Variants in MYLK4 observed in about 807,000 individuals in gnomAD.
The protein encoded by MYLK4 is caMLCK like.
Under a neutral mutation model 48.1 loss-of-function variants are expected in MYLK4, and 46 were observed. That is an observed-to-expected ratio of 0.96 (90% CI 0.75 to 1.22). MYLK4 has a LOEUF of 1.22. MYLK4 is among the 50% of genes most tolerant of loss of function. The pLI, the probability that MYLK4 is intolerant of heterozygous loss-of-function variation, is 0.00. For missense variants in MYLK4, 451 were observed against 486.1 expected, an observed-to-expected ratio of 0.93 and a Z score of 0.68; for synonymous variants, 170 against 180.8, an observed-to-expected ratio of 0.94 and a Z score of 0.48.
chr6:2,743,228 T>A (rs1763958954), intron 2 of MYLK4, among the ~76,000 whole-genome samples: 2 of 152,174 alleles, frequency 1.3e-5, no homozygotes, highest in South Asian at 4.1e-4. Flanking sequence ...ATTCAGACTG[T>A]TTTCCATAGT....
At chr6:2,725,363 G>A (rs949653558) in intron 2 of MYLK4, among the ~76,000 whole-genome samples, 8 of 151,974 alleles carry the variant, frequency 5.3e-5, no homozygotes, top group Non-Finnish European at 8.8e-5. Flanking sequence ...CTACTTGGGA[G>A]GCCAAGGTAG....
At chr6:2,729,603 G>A (rs12664199) in intron 2 of MYLK4, among the ~76,000 whole-genome samples, 5,523 of 152,280 alleles carry the variant, frequency 0.036, 255 homozygotes, top group East Asian at 0.27. Context: ...CCCTCAAGGA[G>A]TGTTTCTCTT....
chr6:2,763,916 G>C, the MYLK4 span, among the ~76,000 whole-genome samples: 1 of 152,124 alleles, frequency 6.6e-6, no homozygotes, highest in Admixed American at 6.5e-5. Flanking sequence ...GGAGACCGAG[G>C]TGGGCGGATC....
Position 2,683,161 on chromosome 6 carries a change from C to T in MYLK4, c.547G>A (p.Val183Met), listed in dbSNP as rs745707113. Residue 183 changes from valine (V) to methionine (M), a missense_variant and splice_region_variant, in exon 7 of 13, where the codon GTG (valine) becomes ATG (methionine). Coordinates refer to ENST00000274643, the MANE Select transcript of MYLK4 (RefSeq NM_001012418.5). Reference protein sequence around the residue: ...KNDIVLVMEYVDGGELFDRII... With the variant: ...KNDIVLVMEYMDGGELFDRII... ...CGGTCAAACAGCTCCCCACCATCCA[C>T]ACTGCAGAGGGAAGAGGACTGAAAC... 3.1e-6 allele frequency: 5 copies of T among 1,614,170 alleles called. No homozygotes were observed. The highest frequency in any genetic ancestry group is 3.4e-6 in the Non-Finnish European group (4 of 1,180,026).
At chr6:2,717,411 AC>A (rs1284545255) in intron 2 of MYLK4, among the ~76,000 whole-genome samples, 1 of 152,206 alleles carries the variant, frequency 6.6e-6, no homozygotes, top group African/African-American at 2.4e-5. Flanking sequence ...CAGGCCTCAC[AC>A]CTCTCGAAAT....
chr6:2,714,715 C>T (rs535458555), intron 2 of MYLK4, among the ~76,000 whole-genome samples: 9 of 152,238 alleles, frequency 5.9e-5, no homozygotes, highest in East Asian at 1.9e-4. Context: ...ACCAAGTGTC[C>T]GCTGACAGCT....
chr6:2,680,195 G>A (rs780224955), intron 8 of MYLK4, 26 bp downstream of exon 8: 115 of 1,612,964 alleles, frequency 7.1e-5, no homozygotes, highest in Non-Finnish European at 9.3e-5. Flanking sequence ...AGCTCCATTC[G>A]TACACCTATG....
chr6:2,694,496 G>A (rs1274789912), intron 2 of MYLK4, among the ~76,000 whole-genome samples: 1 of 41,596 alleles, frequency 2.4e-5, no homozygotes, highest in Non-Finnish European at 5.4e-5. Context: ...TGGTCATGGT[G>A]GTGGTGGTGG....
chr6:2,762,398 A>G, the MYLK4 span, among the ~76,000 whole-genome samples: 1 of 152,252 alleles, frequency 6.6e-6, no homozygotes, highest in Non-Finnish European at 1.5e-5. Flanking sequence ...GATTTTCCAC[A>G]GCATTATTTT....
chr6:2,753,848 G>A (rs773817149), upstream of MYLK4, among the ~76,000 whole-genome samples: 2 of 152,040 alleles, frequency 1.3e-5, no homozygotes, highest in Non-Finnish European at 2.9e-5. Context: ...CACTAGGAGA[G>A]CTGTAATAAT....
chr6:2,753,538 C>T (rs1375119877), upstream of MYLK4, among the ~76,000 whole-genome samples: 1 of 152,064 alleles, frequency 6.6e-6, no homozygotes, highest in Non-Finnish European at 1.5e-5. Flanking sequence ...AAATTCAAAA[C>T]GTTTGCCTTT....
At position 2,664,286 on chromosome 6, in the gene MYLK4, G is replaced by T. The variant is rs1462121462; in HGVS notation, c.*3639C>A. ...AGTGCAAAAGCAAAGGCGAAGCTTTGTGGATATTGGGAAGTAGGCCGTGGT... is the reference window on the plus strand; with the variant it reads ...AGTGCAAAAGCAAAGGCGAAGCTTTTTGGATATTGGGAAGTAGGCCGTGGT... On this transcript the variant is annotated 3_prime_UTR_variant, in exon 13 of 13. Transcript: ENST00000274643. The T allele has an allele frequency of 2.0e-5, 3 of 152,242 alleles. No individual in the cohort carries two copies. In the East Asian group the frequency reaches 5.8e-4, roughly 29 times the overall value. The allele number at this position is 152,242 out of a possible 1,614,324, so 9.4% of individuals were successfully genotyped here.
chr6:2,679,948 C>A (rs1024215531), intron 8 of MYLK4, among the ~76,000 whole-genome samples: 19 of 152,172 alleles, frequency 1.2e-4, no homozygotes, highest in African/African-American at 4.3e-4. Flanking sequence ...AAAGAGGGGA[C>A]AAACTCTTGC....
intron 4 of MYLK4, among the ~76,000 whole-genome samples, chr6:2,686,997 C>A (rs1408593339): frequency 6.6e-6 from 1 of 152,182 alleles, no homozygotes; most frequent in Non-Finnish European, 1.5e-5. Flanking sequence ...TGTGCAAGGG[C>A]CCTGAAGGTT....
chr6:2,743,252 T>C (rs546523840), intron 2 of MYLK4, among the ~76,000 whole-genome samples: 1 of 152,312 alleles, frequency 6.6e-6, no homozygotes, highest in Admixed American at 6.5e-5. Flanking sequence ...TTCTAAACTG[T>C]TGTATATTGT....
At chr6:2,694,653 G>A in intron 2 of MYLK4, among the ~76,000 whole-genome samples, 1 of 83,418 alleles carries the variant, frequency 1.2e-5, no homozygotes, top group Non-Finnish European at 2.5e-5. Context: ...GACGGTCATG[G>A]TGATGATGGT....
chr6:2,714,874 G>A (rs1388942615), intron 2 of MYLK4, among the ~76,000 whole-genome samples: 1 of 152,204 alleles, frequency 6.6e-6, no homozygotes, highest in Non-Finnish European at 1.5e-5. Context: ...GATAAATACT[G>A]TGTCATTCCA....
rs1281516009 is a variant in MYLK4 at position 2,664,874 on chromosome 6, A to G, written c.*3051T>C. ...AGTTTGTAATGTAGCAAATGGGGAC[A>G]TGTGCCCTCCTCTCCCTGATTTTTA... On this transcript the variant is annotated 3_prime_UTR_variant, in exon 13 of 13. Coordinates refer to ENST00000274643, the MANE Select transcript of MYLK4 (RefSeq NM_001012418.5). The G allele has an allele frequency of 8.5e-5, 13 of 152,224 alleles. No individual in the cohort carries two copies. Among genetic ancestry groups the G allele is most frequent in the Non-Finnish European group, 2.9e-5 (2 of 68,042 alleles). 9.4% of individuals were successfully genotyped at this position (152,224 alleles called of 1,614,324 possible).
intron 2 of MYLK4, among the ~76,000 whole-genome samples, chr6:2,746,540 G>A (rs1443751004): frequency 6.6e-6 from 1 of 152,082 alleles, no homozygotes; most frequent in African/African-American, 2.4e-5. Flanking sequence ...TCCCCTATTG[G>A]GACTGGAGAG....
Sources: allele counts gnomAD v4.1 joint callset (sites outside exome capture counted in the v4.1 genomes callset), GRCh38; gene constraint gnomAD v4.1.1; transcripts MANE v1.5; gene names NCBI Gene and HGNC (gene_info 2026-07-23, HGNC 2026-07-21).